Variants in MAGI3 observed in about 807,000 individuals in gnomAD.
MAGI3 encodes the protein membrane-associated guanylate kinase, WW and PDZ domain-containing protein 3.
Under a neutral mutation model 121.8 loss-of-function variants are expected in MAGI3, and 43 were observed. The observed-to-expected ratio is 0.35, with a 90% CI of 0.28 to 0.46. The LOEUF (loss-of-function observed/expected upper bound fraction) is 0.46. Among genes scored for constraint, MAGI3 ranks in the 20% least tolerant of loss-of-function variants. MAGI3 has a pLI of 1.00. For synonymous variants in MAGI3, 553 were observed against 639.3 expected (o/e 0.86, Z 2.04); for missense variants, 1,547 against 1,797.3 (o/e 0.86, Z 2.52).
At chr1:113,447,128 A>C (rs1023100714) in intron 1 of MAGI3, among the ~76,000 whole-genome samples, 17 of 152,250 alleles carry the variant, frequency 1.1e-4, no homozygotes, top group African/African-American at 3.4e-4. Context: ...TGTACACTTA[A>C]AAATGATTAA....
chr1:113,639,791 C>T (rs1375442087), intron 9 of MAGI3, among the ~76,000 whole-genome samples: 2 of 152,126 alleles, frequency 1.3e-5, no homozygotes, highest in South Asian at 4.1e-4. Flanking sequence ...TGGTCTTGAA[C>T]TCCTGACCTC....
chr1:113,393,344 T>G (rs1237774945), intron 1 of MAGI3, among the ~76,000 whole-genome samples: 1 of 152,244 alleles, frequency 6.6e-6, no homozygotes, highest in Admixed American at 6.5e-5. Flanking sequence ...CAGAACATTT[T>G]GTAGTCATTA....
At chr1:113,650,738 G>T (rs1653114612) in intron 13 of MAGI3, among the ~76,000 whole-genome samples, 2 of 152,228 alleles carry the variant, frequency 1.3e-5, no homozygotes, top group South Asian at 4.1e-4. Flanking sequence ...TAGGGATAAT[G>T]GTTGTGCTTT....
Position 113,671,783 on chromosome 1 carries a change from C to T in MAGI3, c.2865C>T (p.Ala955=). ...SGTNSARQSP[A]LQHRPMGQSQ... ...CAAACTCAGCCAGGCAAAGCCCAGC[C>T]CTGCAGCACAGGCCCATGGGACAGT... The change falls in exon 17 of 21, where the codon GCC becomes GCT. Residue 955 remains alanine (A), a synonymous_variant. Coordinates refer to ENST00000307546, the MANE Select transcript of MAGI3 (RefSeq NM_001142782.2). 2.5e-6 allele frequency: 4 copies of T among 1,614,238 alleles called. No homozygotes were observed. The highest frequency in any genetic ancestry group is 3.4e-6 in the Non-Finnish European group (4 of 1,180,044).
At chr1:113,417,533 T>C (rs1436830644) in intron 1 of MAGI3, among the ~76,000 whole-genome samples, 1 of 152,100 alleles carries the variant, frequency 6.6e-6, no homozygotes, top group African/African-American at 2.4e-5. Flanking sequence ...AATTTGAATT[T>C]CTTGTATTTA....
chr1:113,627,000 T>A (rs1401722054), intron 9 of MAGI3, among the ~76,000 whole-genome samples: 2 of 152,058 alleles, frequency 1.3e-5, no homozygotes, highest in Non-Finnish European at 2.9e-5. Context: ...TCTTTTCTAG[T>A]TCTTCAAGAT....
intron 2 of MAGI3, among the ~76,000 whole-genome samples, chr1:113,555,758 G>A (rs1276964339): frequency 6.6e-6 from 1 of 151,834 alleles, no homozygotes; most frequent in Non-Finnish European, 1.5e-5. Context: ...TTTTAATGAG[G>A]CAGGCAAAGT....
intron 1 of MAGI3, among the ~76,000 whole-genome samples, chr1:113,459,030 A>G (rs943670873): frequency 6.6e-6 from 1 of 152,180 alleles, no homozygotes; most frequent in Non-Finnish European, 1.5e-5. Flanking sequence ...ATAATCATCA[A>G]TTGCTATATA....
At chr1:113,570,188 A>G (rs1647224147) in intron 2 of MAGI3, among the ~76,000 whole-genome samples, 1 of 152,136 alleles carries the variant, frequency 6.6e-6, no homozygotes, top group Non-Finnish European at 1.5e-5. Context: ...GATGGTTTCT[A>G]GCTTCACCCA....
chr1:113,649,357 GT>G (rs747992141), intron 13 of MAGI3, 29 bp downstream of exon 13: 1 of 1,516,326 alleles, frequency 6.6e-7, no homozygotes, highest in South Asian at 1.2e-5. Flanking sequence ...GAACATGGCT[GT>G]TTCCTGTTCA....
At chr1:113,469,937 T>G (rs1007677181) in intron 1 of MAGI3, among the ~76,000 whole-genome samples, 2 of 152,186 alleles carry the variant, frequency 1.3e-5, no homozygotes, top group Non-Finnish European at 2.9e-5. Flanking sequence ...AGATGTATTC[T>G]TTTTCATTTT....
rs978314033 is a variant in MAGI3, at chr1:113,490,769, A to T, written c.317-58746A>T. On this transcript the variant is annotated intron_variant, in intron 1 of 20. Coordinates refer to ENST00000307546, the MANE Select transcript of MAGI3 (RefSeq NM_001142782.2). The stretch of plus-strand genomic sequence containing the variant: ...GACTTTAAACCAACAAAGATCAGAA[A>T]GATCAGAAAAGACAAAGAAGGGCAT... 2.6e-5 allele frequency among the ~76,000 whole-genome samples: 4 copies of T among 152,162 alleles called. No individual in the cohort carries two copies. The East Asian group carries it at 7.7e-4, about 29-fold the overall frequency.
chr1:113,660,141 C>T (rs1653702253), intron 16 of MAGI3, among the ~76,000 whole-genome samples: 1 of 152,144 alleles, frequency 6.6e-6, no homozygotes, highest in African/African-American at 2.4e-5. Flanking sequence ...TAAGGTATTA[C>T]ATAAATCTGT....
At chr1:113,608,914 A>C (rs931843046) in intron 6 of MAGI3, among the ~76,000 whole-genome samples, 6 of 152,180 alleles carry the variant, frequency 3.9e-5, no homozygotes, top group African/African-American at 1.2e-4. Flanking sequence ...TATTCTCAAA[A>C]GTGGACAGTA....
intron 9 of MAGI3, among the ~76,000 whole-genome samples, chr1:113,628,738 A>G (rs1362781633): frequency 6.6e-6 from 1 of 151,972 alleles, no homozygotes; most frequent in Non-Finnish European, 1.5e-5. Context: ...ATGTCATGCC[A>G]CTCTCTCCTG....
intron 6 of MAGI3, among the ~76,000 whole-genome samples, chr1:113,596,984 G>A (rs1649049411): frequency 6.6e-6 from 1 of 152,074 alleles, no homozygotes; most frequent in South Asian, 2.1e-4. Flanking sequence ...CTACCCAAGA[G>A]GAATGAAAAC....
At chr1:113,629,299 ATG>A (rs1651446601) in intron 9 of MAGI3, among the ~76,000 whole-genome samples, 1 of 152,162 alleles carries the variant, frequency 6.6e-6, no homozygotes, top group Admixed American at 6.5e-5. Context: ...TGTTAAATTT[ATG>A]TGACAGGATT....
chr1:113,629,751 T>C (rs866454116), intron 9 of MAGI3, among the ~76,000 whole-genome samples: 1 of 74,820 alleles, frequency 1.3e-5, no homozygotes, highest in African/African-American at 8.0e-5. Flanking sequence ...TCTCTCTCTC[T>C]CTCTCTCTCT....
Position 113,422,394 on chromosome 1 carries a change from C to T in MAGI3, c.316+31045C>T, listed in dbSNP as rs957479647. The stretch of plus-strand genomic sequence containing the variant: ...GTGGCACCTCTACTTGAGTTTTGCT[C>T]GCACCTGCTGGGCTCGTTCTGCCCA... On this transcript the variant is annotated intron_variant, in intron 1 of 20. Transcript: ENST00000307546. The surrounding 1 kb of genome is among the most constrained non-coding windows in gnomAD (Gnocchi z 4.3). Among the ~76,000 whole-genome samples the T allele has an allele frequency of 2.0e-5, 3 of 152,346 alleles. No homozygotes were observed. The highest frequency in any genetic ancestry group is 3.4e-3 in the Middle Eastern group (1 of 294).
Sources: allele counts gnomAD v4.1 joint callset (sites outside exome capture counted in the v4.1 genomes callset), GRCh38; gene constraint gnomAD v4.1.1; non-coding constraint Gnocchi (gnomAD v3.1); transcripts MANE v1.5; gene names NCBI Gene and HGNC (gene_info 2026-07-23, HGNC 2026-07-21).